Variants in PDE8B observed in about 807,000 individuals in gnomAD.
The protein encoded by PDE8B is phosphodiesterase 8B.
In PDE8B, 26 loss-of-function variants were observed where a neutral mutation model predicts 101.3. The ratio of observed to expected loss-of-function variants is 0.26; its 90% CI spans 0.19 to 0.36. The LOEUF is 0.36. Ranked by LOEUF, PDE8B falls within the 10% of genes least tolerant of loss-of-function variation. The pLI, the probability that PDE8B is intolerant of heterozygous loss-of-function variation, is 1.00. For synonymous variants in PDE8B, 424 were observed against 429.3 expected (o/e 0.99, Z 0.15); for missense variants, 810 against 1,163.1 (o/e 0.70, Z 4.42).
intron 2 of PDE8B, among the ~76,000 whole-genome samples, chr5:77,315,327 T>C (rs1773571084): frequency 6.6e-6 from 1 of 152,226 alleles, no homozygotes; most frequent in South Asian, 2.1e-4. Flanking sequence ...AGTTTTTGTG[T>C]GCAGTGTGAT....
chr5:77,387,732 C>T (rs1044419917), intron 10 of PDE8B, among the ~76,000 whole-genome samples: 6 of 152,184 alleles, frequency 3.9e-5, no homozygotes, highest in African/African-American at 1.2e-4. Context: ...TAGGTTTGGT[C>T]TTTTCACATA....
At chr5:77,144,252 G>C in the PDE8B span, 52 of 152,486 alleles carry the variant, frequency 3.4e-4, no homozygotes, top group African/African-American at 1.2e-3. Flanking sequence ...TGCCTCCAGA[G>C]GGGAGCAATG....
At chr5:77,177,974 G>A in the PDE8B span, among the ~76,000 whole-genome samples, 1 of 152,214 alleles carries the variant, frequency 6.6e-6, no homozygotes, top group Non-Finnish European at 1.5e-5. Flanking sequence ...GGGGACTACT[G>A]TATGTGCAAA....
chr5:77,175,115 C>T, the PDE8B span, among the ~76,000 whole-genome samples: 1 of 152,158 alleles, frequency 6.6e-6, no homozygotes, highest in Non-Finnish European at 1.5e-5. Flanking sequence ...GTCCTGTCAA[C>T]CTTGCATTCA....
the PDE8B span, among the ~76,000 whole-genome samples, chr5:77,102,531 G>A: frequency 6.6e-6 from 1 of 152,166 alleles, no homozygotes; most frequent in Non-Finnish European, 1.5e-5. Context: ...CCTGAGGCAG[G>A]GCAGGAGCTA....
At chr5:77,426,329 C>G (rs1310822608) in intron 21 of PDE8B, 116 bp from the exon 22 acceptor site, 2 of 729,834 alleles carry the variant, frequency 2.7e-6, no homozygotes, top group East Asian at 2.7e-5. Context: ...CATGCTTCGC[C>G]CAGGGTGTGC....
chr5:77,139,188 G>A, the PDE8B span: 1 of 152,270 alleles, frequency 6.6e-6, no homozygotes, highest in Non-Finnish European at 1.5e-5. Flanking sequence ...TGGTTGCTAA[G>A]CGAAACAGAG....
chr5:77,375,962 G>A (rs1225275274), intron 10 of PDE8B, among the ~76,000 whole-genome samples: 2 of 139,754 alleles, frequency 1.4e-5, no homozygotes, highest in Non-Finnish European at 1.5e-5. Flanking sequence ...GTGCAGTCTC[G>A]GCTCACCGCA....
chr5:77,382,528 C>T (rs1185679944), intron 10 of PDE8B, among the ~76,000 whole-genome samples: 1 of 152,062 alleles, frequency 6.6e-6, no homozygotes, highest in Non-Finnish European at 1.5e-5. Flanking sequence ...GTTTCCTGCA[C>T]CCATCAACCC....
intron 10 of PDE8B, among the ~76,000 whole-genome samples, chr5:77,370,333 A>T (rs58983706): frequency 0.055 from 8,312 of 152,218 alleles, 285 homozygotes; most frequent in African/African-American, 0.087. Flanking sequence ...CCCAGTCCTC[A>T]GAAGAAACCA....
chr5:77,245,294 T>G (rs894122857), intron 1 of PDE8B, among the ~76,000 whole-genome samples: 60 of 152,312 alleles, frequency 3.9e-4, no homozygotes, highest in African/African-American at 1.4e-3. Context: ...AAGAGTGTCT[T>G]GAGTAAAATA....
intron 5 of PDE8B, among the ~76,000 whole-genome samples, chr5:77,334,484 A>T (rs13436203): frequency 0.067 from 10,153 of 152,222 alleles, 501 homozygotes; most frequent in East Asian, 0.15. Context: ...GTTCAATTTA[A>T]CAAGTGTTTA....
chr5:77,137,831 A>T, the PDE8B span, among the ~76,000 whole-genome samples: 2 of 152,088 alleles, frequency 1.3e-5, no homozygotes, highest in East Asian at 3.9e-4. Flanking sequence ...CCAAGGAGAG[A>T]CTTTTTTTCA....
intron 1 of PDE8B, among the ~76,000 whole-genome samples, chr5:77,260,307 C>T (rs899019999): frequency 6.6e-6 from 1 of 151,966 alleles, no homozygotes; most frequent in Admixed American, 6.6e-5. Context: ...TAAGACTGCA[C>T]CATTAAACAT....
intron 1 of PDE8B, chr5:77,291,770 C>G: frequency 6.3e-7 from 1 of 1,581,034 alleles, no homozygotes; most frequent in Non-Finnish European, 8.7e-7. Flanking sequence ...ACAGTAAAGA[C>G]TTTCCTCTGG....
At chr5:77,186,496 A>C in the PDE8B span, among the ~76,000 whole-genome samples, 15 of 152,216 alleles carry the variant, frequency 9.9e-5, no homozygotes, top group Admixed American at 9.2e-4. Flanking sequence ...CCTGAGAGTT[A>C]GGCCTGCAAC....
chr5:77,277,543 C>T (rs1474734855), intron 1 of PDE8B, among the ~76,000 whole-genome samples: 1 of 152,184 alleles, frequency 6.6e-6, no homozygotes, highest in Admixed American at 6.5e-5. Flanking sequence ...ACATGAAAAA[C>T]ATATATTCTC....
chr5:77,165,452 T>G, the PDE8B span: 1 of 152,310 alleles, frequency 6.6e-6, no homozygotes, highest in Non-Finnish European at 1.5e-5. Context: ...ACATCTAACC[T>G]CTTCGGACGT....
chr5:77,159,555 A>C, the PDE8B span, among the ~76,000 whole-genome samples: 2 of 152,180 alleles, frequency 1.3e-5, no homozygotes, highest in Non-Finnish European at 2.9e-5. Flanking sequence ...CCTTGTGATC[A>C]TGTAAGTTAA....
Sources: allele counts gnomAD v4.1 joint callset (sites outside exome capture counted in the v4.1 genomes callset), GRCh38; gene constraint gnomAD v4.1.1; transcripts MANE v1.5; gene names NCBI Gene and HGNC (gene_info 2026-07-23, HGNC 2026-07-21).